Variants in NSD2 observed in about 807,000 individuals in gnomAD.
NSD2 encodes nuclear receptor binding SET domain protein 2, also known as histone-lysine N-methyltransferase NSD2.
A neutral mutation model predicts 139.0 loss-of-function variants in NSD2; 12 were observed. That is an observed-to-expected ratio of 0.09 (90% confidence interval 0.06 to 0.14). NSD2 has a LOEUF of 0.14. Among genes scored for constraint, NSD2 ranks in the 10% least tolerant of loss-of-function variants. The probability of loss-of-function intolerance (pLI) is 1.00; values close to 1 mark genes in which losing one functional copy is unlikely to be tolerated. For missense variants in NSD2, 1,155 were observed against 1,745.0 expected, an observed-to-expected ratio of 0.66 and a Z score of 6.02; for synonymous variants, 669 against 648.7, an observed-to-expected ratio of 1.03 and a Z score of -0.48.
At chr4:1,904,147 C>A in intron 2 of NSD2, 69 bp from the exon 3 acceptor site, 1 of 1,532,112 alleles carries the variant, frequency 6.5e-7, no homozygotes. Flanking sequence ...CCTGGTGAAT[C>A]CTTGGTCTTC....
rs182487265 is a variant in NSD2, at chr4:1,948,198, C to T, written c.1882-2874C>T. The T allele has an allele frequency of 1.1e-4, 120 of 1,063,914 alleles. 1 individual carries two copies. In the Middle Eastern group the frequency reaches 2.1e-3, roughly 19 times the overall value. 65.9% of individuals were successfully genotyped at this position (1,063,914 alleles called of 1,614,324 possible). A position where few individuals can be genotyped will look rare whatever the true frequency, so the allele number is the denominator to read the frequency against. ...AGCTAAGCTGCTCGGAGCTCAGTGC[C>T]GCAGCATGGCTGTGGTGGACGCGGG... On this transcript the variant is annotated intron_variant, in intron 9 of 21. Transcript: ENST00000508803. The surrounding 1 kb of genome is among the most constrained non-coding windows in gnomAD (Gnocchi z 4.5).
chr4:1,884,451 T>C (rs563867324), intron 1 of NSD2, among the ~76,000 whole-genome samples: 1 of 152,146 alleles, frequency 6.6e-6, no homozygotes, highest in Non-Finnish European at 1.5e-5. Flanking sequence ...TGGAGTGCAG[T>C]GGCCCAATCT....
intron 3 of NSD2, among the ~76,000 whole-genome samples, chr4:1,912,476 T>C (rs1349858309): frequency 6.6e-6 from 1 of 152,234 alleles, no homozygotes; most frequent in African/African-American, 2.4e-5. Flanking sequence ...TCCCTTGGAA[T>C]TAATTACTGC....
chr4:1,909,601 C>T (rs765836022), intron 3 of NSD2, among the ~76,000 whole-genome samples: 4 of 151,824 alleles, frequency 2.6e-5, no homozygotes, highest in African/African-American at 4.8e-5. Context: ...TCCTGTGAAG[C>T]CAGTACTTTT....
chr4:1,962,968 G>A (rs773544606), intron 18 of NSD2, among the ~76,000 whole-genome samples: 10 of 152,150 alleles, frequency 6.6e-5, no homozygotes, highest in Non-Finnish European at 1.2e-4. Flanking sequence ...TCCTCTCAGG[G>A]CCCTGTCAAC....
chr4:1,925,389 C>CTTTTTTTTTTTTTTT (rs34335852), intron 5 of NSD2, among the ~76,000 whole-genome samples: 60 of 38,004 alleles, frequency 1.6e-3, no homozygotes, highest in East Asian at 5.9e-3. Flanking sequence ...CTTTTTCTTT[C>CTTTTTTTTTTTTTTT]TTTTTTTTTT....
intron 3 of NSD2, among the ~76,000 whole-genome samples, chr4:1,913,966 T>C (rs1031482081): frequency 2.6e-5 from 4 of 152,218 alleles, no homozygotes; most frequent in Non-Finnish European, 5.9e-5. Flanking sequence ...AGGCTATTTT[T>C]GGTATCTTAA....
intron 3 of NSD2, among the ~76,000 whole-genome samples, chr4:1,906,089 C>G (rs543690509): frequency 3.7e-4 from 56 of 152,196 alleles, no homozygotes; most frequent in Non-Finnish European, 6.9e-4. Flanking sequence ...GTTTGTGTGG[C>G]ACACAAGCAG....
At chr4:1,945,227 G>T in intron 9 of NSD2, 1 of 1,066,992 alleles carries the variant, frequency 9.4e-7, no homozygotes, top group Non-Finnish European at 1.1e-6. Context: ...GAACAAGACG[G>T]GGTGGGGTGG....
At chr4:1,950,659 G>A (rs1307727569) in intron 9 of NSD2, among the ~76,000 whole-genome samples, 1 of 152,170 alleles carries the variant, frequency 6.6e-6, no homozygotes, top group East Asian at 1.9e-4. Flanking sequence ...TTACACATTC[G>A]TTTGGTGTTA....
chr4:1,940,881 G>T, intron 9 of NSD2: 1 of 1,057,760 alleles, frequency 9.5e-7, no homozygotes, highest in Non-Finnish European at 1.1e-6. Flanking sequence ...AGAGCTCTGC[G>T]GCTTGCCACT....
chr4:1,979,599 C>T lies in NSD2; in HGVS notation c.*690C>T, dbSNP rs1350533606. ...GAAATGCCAATAACACGTCCACTTT[C>T]AACGTGTAGTTTACGCGGAGCACTT... On this transcript the variant is annotated 3_prime_UTR_variant, in exon 22 of 22. Transcript: ENST00000508803. 1 of 232,670 alleles carries T rather than the reference C, an allele frequency of 4.3e-6. No homozygotes were observed. Among genetic ancestry groups the T allele is most frequent in the African/African-American group, 2.2e-5 (1 of 45,328 alleles). The allele number at this position is 232,670 out of a possible 1,614,324, so 14.4% of individuals were successfully genotyped here. A position where few individuals can be genotyped will look rare whatever the true frequency, so the allele number is the denominator to read the frequency against.
Position 1,945,356 on chromosome 4 carries a change from T to C in NSD2, c.1881+5578T>C, listed in dbSNP as rs1294610659. 2.8e-6 allele frequency: 3 copies of C among 1,065,180 alleles called. No homozygotes were observed. In the African/African-American group the frequency reaches 4.9e-5, roughly 17 times the overall value. The allele number at this position is 1,065,180 out of a possible 1,614,324, so 66.0% of individuals were successfully genotyped here. ...CTGTCAGGAGCAAGCTTGCTGCTCC[T>C]GTGCTGCCCTGGCCCTGGCCTTGCT... On this transcript the variant is annotated intron_variant, in intron 9 of 21. Coordinates refer to ENST00000508803, the MANE Select transcript of NSD2 (RefSeq NM_001042424.3).
chr4:1,882,779 T>G (rs1560551034), intron 1 of NSD2, among the ~76,000 whole-genome samples: 1 of 152,232 alleles, frequency 6.6e-6, no homozygotes, highest in Non-Finnish European at 1.5e-5. Flanking sequence ...GTCCCCAGAC[T>G]GGCAGCTTCA....
At position 1,958,040 on chromosome 4, in the gene NSD2, G is replaced by T. The variant is rs761713452; in HGVS notation, c.2985+4G>T. The T allele has an allele frequency of 6.2e-7, 1 of 1,613,266 alleles. No individual in the cohort carries two copies. Among genetic ancestry groups the T allele is most frequent in the Non-Finnish European group, 8.5e-7 (1 of 1,179,714 alleles). On this transcript the variant is annotated splice_donor_region_variant and intron_variant, in intron 16 of 21. Coordinates refer to ENST00000508803, the MANE Select transcript of NSD2 (RefSeq NM_001042424.3). This position sits in a 1 kb window ranked among gnomAD's most constrained non-coding sequence, Gnocchi z 4.6. ...CCCACCATACAAGCACATCAAGGTG[G>T]CGTGTGGGAGCTGCGTGCACGCGTG...
rs540144085 is a variant in NSD2, at chr4:1,974,779, A to T, written c.3373-84A>T. On this transcript the variant is annotated intron_variant, in intron 18 of 21. Transcript: ENST00000508803. The surrounding 1 kb of genome is among the most constrained non-coding windows in gnomAD (Gnocchi z 4.0). ...TACAACAAGGAACACAACTTGTTCA[A>T]TGTGCTTTATGATGGTGAAAATTCC... 5 of 1,581,742 alleles carry T rather than the reference A, an allele frequency of 3.2e-6. No individual in the cohort carries two copies. The highest frequency in any genetic ancestry group is 1.1e-5 in the South Asian group (1 of 90,044).
At chr4:1,951,858 G>A in intron 10 of NSD2, 1 of 525,262 alleles carries the variant, frequency 1.9e-6, no homozygotes, top group East Asian at 3.2e-5. Context: ...CTTCAGGGTT[G>A]TGATCCTGTT....
chr4:1,975,275 C>G lies in NSD2; in HGVS notation c.3515-19C>G. 1 of 1,612,424 alleles carries G rather than the reference C, an allele frequency of 6.2e-7. No individual in the cohort carries two copies. Among genetic ancestry groups the G allele is most frequent in the Non-Finnish European group, 8.5e-7 (1 of 1,178,484 alleles). On this transcript the variant is annotated intron_variant, in intron 19 of 21. Transcript: ENST00000508803. ...AAGGCAGGTGTTTCCAATTTGGTGT[C>G]TGTCTCCTCTTCTCCCAGGGACGGA...
At position 1,981,666 on chromosome 4, in the gene NSD2, C is replaced by CCATG; in HGVS notation, c.*2758_*2761dup. On this transcript the variant is annotated 3_prime_UTR_variant, in exon 22 of 22. Transcript: ENST00000508803. Reference sequence around the variant, plus strand: ...CGGCCTTTCTTCCGGCGACACCCGTCCATGGCTGGCTGGGTCCCCTTCGCA... The same window carrying CCATG: ...CGGCCTTTCTTCCGGCGACACCCGTCCATGCATGGCTGGCTGGGTCCCCTTCGCA... 1 of 393,262 alleles carries CCATG rather than the reference C, an allele frequency of 2.5e-6. No individual in the cohort carries two copies. The highest frequency in any genetic ancestry group is 4.5e-6 in the Non-Finnish European group (1 of 223,184). 24.4% of individuals were successfully genotyped at this position (393,262 alleles called of 1,614,324 possible).
Sources: allele counts gnomAD v4.1 joint callset (sites outside exome capture counted in the v4.1 genomes callset), GRCh38; gene constraint gnomAD v4.1.1; non-coding constraint Gnocchi (gnomAD v3.1); transcripts MANE v1.5; gene names NCBI Gene and HGNC (gene_info 2026-07-23, HGNC 2026-07-21).